Variants in FLNB observed in about 807,000 individuals in gnomAD.
FLNB encodes filamin-B.
In FLNB, 111 loss-of-function variants were observed where a neutral mutation model predicts 250.6. The ratio of observed to expected loss-of-function variants is 0.44; its 90% CI spans 0.38 to 0.52. The LOEUF (loss-of-function observed/expected upper bound fraction) is 0.52. Among genes scored for constraint, FLNB ranks in the 20% least tolerant of loss-of-function variants. The pLI, the probability that FLNB is intolerant of heterozygous loss-of-function variation, is 0.00. For synonymous variants in FLNB, 1,302 were observed against 1,372.1 expected, an observed-to-expected ratio of 0.95 and a Z score of 1.13; for missense variants, 2,869 against 3,447.8, an observed-to-expected ratio of 0.83 and a Z score of 4.20.
intron 1 of FLNB, among the ~76,000 whole-genome samples, chr3:58,075,587 C>T (rs558959949): frequency 2.3e-4 from 35 of 152,174 alleles, no homozygotes; most frequent in Admixed American, 1.8e-3. Flanking sequence ...TTGTGTGCAG[C>T]GGGAACCCTG....
At chr3:58,153,168 C>T (rs1395908652) in intron 38 of FLNB, among the ~76,000 whole-genome samples, 1 of 152,204 alleles carries the variant, frequency 6.6e-6, no homozygotes. Context: ...TCTCAGTGCC[C>T]CCAGCATGGG....
intron 29 of FLNB, among the ~76,000 whole-genome samples, chr3:58,139,623 G>A (rs753832494): frequency 6.6e-6 from 1 of 152,198 alleles, no homozygotes; most frequent in Non-Finnish European, 1.5e-5. Context: ...GTATGTAAAT[G>A]TAAACACTTG....
chr3:58,039,729 T>G (rs1267615369), intron 1 of FLNB, among the ~76,000 whole-genome samples: 1 of 152,226 alleles, frequency 6.6e-6, no homozygotes, highest in Non-Finnish European at 1.5e-5. Context: ...ACCATTCACT[T>G]TATTGCCTCT....
chr3:58,043,426 A>G lies in FLNB; in HGVS notation c.293-33620A>G, dbSNP rs2097149120. 2.0e-5 allele frequency among the ~76,000 whole-genome samples: 3 copies of G among 152,110 alleles called. No homozygotes were observed. The South Asian group carries it at 6.2e-4, about 32-fold the overall frequency. The stretch of plus-strand genomic sequence containing the variant: ...TTAAGTGAAAAAATTCTTTGTCAGG[A>G]GAGTTTTGTGAATTTCTGTTTAGTG... On this transcript the variant is annotated intron_variant, in intron 1 of 45. Transcript: ENST00000295956.
intron 4 of FLNB, among the ~76,000 whole-genome samples, chr3:58,092,072 A>G (rs930994012): frequency 7.2e-5 from 11 of 152,222 alleles, no homozygotes; most frequent in African/African-American, 1.7e-4. Flanking sequence ...AAACAACCCA[A>G]TAAGAAAATG....
At chr3:58,138,890 T>A (rs2107235492) in intron 29 of FLNB, among the ~76,000 whole-genome samples, 1 of 152,328 alleles carries the variant, frequency 6.6e-6, no homozygotes, top group Non-Finnish European at 1.5e-5. Flanking sequence ...TCTTCCTTCT[T>A]CCATCTTCAT....
At chr3:58,151,225 C>G (rs1214871968) in intron 38 of FLNB, 1 of 151,908 alleles carries the variant, frequency 6.6e-6, no homozygotes. Flanking sequence ...AACCCTATCT[C>G]TTCTAAAAAT....
At position 58,150,265 on chromosome 3, in the gene FLNB, C is replaced by T. The variant is rs376312418; in HGVS notation, c.6367+38C>T. On this transcript the variant is annotated intron_variant, in intron 38 of 45. Transcript: ENST00000295956. ...GACTAGTAGGGTGGGGAAGCCTTGG[C>T]TCCAGCCTTCAGGGCAGTGGGTGCC... 15 of 1,613,618 alleles carry T rather than the reference C, an allele frequency of 9.3e-6. No homozygotes were observed. In the African/African-American group the frequency reaches 2.0e-4, roughly 22 times the overall value.
intron 28 of FLNB, among the ~76,000 whole-genome samples, chr3:58,136,447 CTAT>C (rs1206347756): frequency 6.6e-6 from 1 of 152,174 alleles, no homozygotes; most frequent in Non-Finnish European, 1.5e-5. Flanking sequence ...TACATGATAA[CTAT>C]TATTATATGC....
rs560679961 is a variant in FLNB at position 58,038,256 on chromosome 3, T to G, written c.292+29400T>G. Among the ~76,000 whole-genome samples, 39 of 152,268 alleles carry G rather than the reference T, an allele frequency of 2.6e-4. No homozygotes were observed. In the South Asian group the frequency reaches 7.9e-3, roughly 31 times the overall value. ...GTTGGCCAGGCTGGTCTCGAACTCC[T>G]GACCTCAGGTGATCCACCTGCCTTG... On this transcript the variant is annotated intron_variant, in intron 1 of 45. Coordinates refer to ENST00000295956, the MANE Select transcript of FLNB (RefSeq NM_001457.4).
At position 58,123,421 on chromosome 3, in the gene FLNB, GC is replaced by G; in HGVS notation, c.3457del (p.Leu1153SerfsTer40). The G allele has an allele frequency of 6.2e-7, 1 of 1,614,010 alleles. No homozygotes were observed. The highest frequency in any genetic ancestry group is 8.5e-7 in the Non-Finnish European group (1 of 1,179,924). On this transcript the variant is annotated frameshift_variant, in exon 21 of 46. Transcript: ENST00000295956. LOFTEE classifies it high-confidence loss of function. ...GAGCACGGGAAGGTGGGTGAAGCTGGCCTCCTTAGCGTCGACTGCTCGGAAG... is the reference window on the plus strand; with the variant it reads ...GAGCACGGGAAGGTGGGTGAAGCTGGCTCCTTAGCGTCGACTGCTCGGAAG... ...GLEHGKVGEA[G>X]LLSVDCSEAG...
intron 1 of FLNB, among the ~76,000 whole-genome samples, chr3:58,015,113 C>G (rs923059031): frequency 6.6e-6 from 1 of 152,224 alleles, no homozygotes; most frequent in Non-Finnish European, 1.5e-5. Flanking sequence ...TGAAGCTAGA[C>G]TGTCTGGATT....
intron 14 of FLNB, 30 bp from the exon 15 acceptor site, chr3:58,109,546 A>G (rs202136370): frequency 1.6e-4 from 263 of 1,614,070 alleles, no homozygotes; most frequent in Middle Eastern, 9.9e-4. Flanking sequence ...GTGGAGGAGA[A>G]CTTGATGACC....
At chr3:58,049,932 C>G (rs927984107) in intron 1 of FLNB, among the ~76,000 whole-genome samples, 1 of 152,160 alleles carries the variant, frequency 6.6e-6, no homozygotes, top group Non-Finnish European at 1.5e-5. Flanking sequence ...GTGGGAGGAC[C>G]CCGTGGATGG....
chr3:58,127,644 T>C (rs1001543736), intron 24 of FLNB, among the ~76,000 whole-genome samples: 1 of 152,208 alleles, frequency 6.6e-6, no homozygotes, highest in Non-Finnish European at 1.5e-5. Context: ...TCCCCATTCT[T>C]ATTTGTGGCA....
intron 18 of FLNB, among the ~76,000 whole-genome samples, chr3:58,117,189 TGTTGGGGAATAAACACAGTCCATTCCTTA>T (rs2097279746): frequency 6.6e-6 from 1 of 152,214 alleles, no homozygotes; most frequent in South Asian, 2.1e-4. Flanking sequence ...TTCATAGCCC[TGTTGGGGAATAAACACAGTCCATTCCTTA>T]GTTGGGGCCT....
intron 24 of FLNB, among the ~76,000 whole-genome samples, chr3:58,129,793 G>A (rs150422350): frequency 4.3e-4 from 66 of 152,334 alleles, no homozygotes; most frequent in African/African-American, 1.5e-3. Context: ...CGAGGCAGAG[G>A]TGCACGTAGC....
chr3:58,111,784 G>A lies in FLNB; in HGVS notation c.2485-7G>A, dbSNP rs774659946. 1.2e-6 allele frequency: 2 copies of A among 1,610,928 alleles called. No homozygotes were observed. The highest frequency in any genetic ancestry group is 3.3e-5 in the Admixed American group (2 of 60,006). ...GCTTTCCTACTAAGACTGTGTCTCT[G>A]CTACAGGAAATCCCCGCCAGCCCTT... On this transcript the variant is annotated splice_polypyrimidine_tract_variant and splice_region_variant and intron_variant, in intron 16 of 45. Coordinates refer to ENST00000295956, the MANE Select transcript of FLNB (RefSeq NM_001457.4).
intron 4 of FLNB, among the ~76,000 whole-genome samples, chr3:58,082,839 G>A (rs1450283819): frequency 1.3e-5 from 2 of 151,602 alleles, no homozygotes; most frequent in African/African-American, 2.4e-5. Flanking sequence ...ACAGTATTCT[G>A]TATATCTTCT....
Sources: allele counts gnomAD v4.1 joint callset (sites outside exome capture counted in the v4.1 genomes callset), GRCh38; gene constraint gnomAD v4.1.1; transcripts MANE v1.5; gene names NCBI Gene and HGNC (gene_info 2026-07-23, HGNC 2026-07-21).